The following NEK10 variants were observed in gnomAD, a reference collection of about 807,000 sequenced individuals.
NEK10 encodes the protein serine/threonine-protein kinase Nek10.
A neutral mutation model predicts 159.8 loss-of-function variants in NEK10; 122 were observed. The ratio of observed to expected loss-of-function variants is 0.76; its 90% CI spans 0.66 to 0.89. The LOEUF is 0.89. Ranked by LOEUF, NEK10 falls within the 40% of genes least tolerant of loss-of-function variation. The probability of loss-of-function intolerance (pLI) is 0.00; values close to 1 mark genes in which losing one functional copy is unlikely to be tolerated. For synonymous variants in NEK10, 466 were observed against 457.1 expected (o/e 1.02, Z -0.25); for missense variants, 1,342 against 1,323.1 (o/e 1.01, Z -0.22).
At chr3:27,260,187 G>A (rs974677262) in intron 22 of NEK10, among the ~76,000 whole-genome samples, 1 of 152,050 alleles carries the variant, frequency 6.6e-6, no homozygotes, top group African/African-American at 2.4e-5. Context: ...TGACTTCCTT[G>A]TTTCCTAATT....
chr3:27,293,333 C>T (rs1249247660), intron 16 of NEK10, among the ~76,000 whole-genome samples: 3 of 152,154 alleles, frequency 2.0e-5, no homozygotes, highest in Non-Finnish European at 4.4e-5. Context: ...ACAGCAGTCA[C>T]ATGTAATTAA....
At chr3:27,154,469 C>T (rs893938285) in intron 30 of NEK10, among the ~76,000 whole-genome samples, 7 of 152,106 alleles carry the variant, frequency 4.6e-5, no homozygotes, top group African/African-American at 9.7e-5. Context: ...CGCCCTAATA[C>T]CAAAACCAGG....
chr3:27,324,138 C>G (rs561884464), intron 5 of NEK10, among the ~76,000 whole-genome samples: 1 of 152,326 alleles, frequency 6.6e-6, no homozygotes, highest in East Asian at 1.9e-4. Flanking sequence ...CACATCCCTT[C>G]CTGACCCTGC....
intron 22 of NEK10, among the ~76,000 whole-genome samples, chr3:27,259,534 T>C (rs1401654822): frequency 5.9e-5 from 9 of 152,328 alleles, no homozygotes; most frequent in Admixed American, 3.3e-4. Context: ...GTTGTAGATA[T>C]GCGGCATTAT....
intron 32 of NEK10, among the ~76,000 whole-genome samples, chr3:27,121,868 G>C (rs1443371336): frequency 6.6e-6 from 1 of 151,964 alleles, no homozygotes; most frequent in East Asian, 1.9e-4. Flanking sequence ...GTGGGTGGTG[G>C]TCGTATGGGT....
intron 26 of NEK10, among the ~76,000 whole-genome samples, chr3:27,191,261 T>C (rs1437392094): frequency 2.0e-5 from 3 of 152,082 alleles, no homozygotes; most frequent in African/African-American, 7.2e-5. Flanking sequence ...GAAAGAGTTT[T>C]ATGATCCAAT....
intron 23 of NEK10, among the ~76,000 whole-genome samples, chr3:27,211,887 C>G (rs901626703): frequency 5.9e-5 from 9 of 152,288 alleles, no homozygotes; most frequent in African/African-American, 1.9e-4. Flanking sequence ...AATAACATTT[C>G]TCATGAATTG....
At chr3:27,333,914 T>C (rs931563264) in intron 5 of NEK10, among the ~76,000 whole-genome samples, 2 of 152,188 alleles carry the variant, frequency 1.3e-5, no homozygotes, top group African/African-American at 4.8e-5. Context: ...TCTGCTGGCC[T>C]AGGCTGCCAT....
chr3:27,233,855 A>G (rs147669187), intron 23 of NEK10, among the ~76,000 whole-genome samples: 248 of 152,278 alleles, frequency 1.6e-3, no homozygotes, highest in African/African-American at 5.7e-3. Context: ...ATGAACATCA[A>G]TGCAAAAATC....
intron 22 of NEK10, among the ~76,000 whole-genome samples, chr3:27,275,844 C>T (rs1016055548): frequency 2.0e-5 from 3 of 152,116 alleles, no homozygotes; most frequent in Non-Finnish European, 4.4e-5. Context: ...AAGATTCTGG[C>T]AATACAGGGT....
At chr3:27,159,712 A>G (rs897348134) in intron 30 of NEK10, among the ~76,000 whole-genome samples, 4 of 152,020 alleles carry the variant, frequency 2.6e-5, no homozygotes, top group African/African-American at 9.7e-5. Flanking sequence ...GAACAAGGGG[A>G]TTTTTAATAC....
At chr3:27,126,767 AAAC>A (rs945095562) in intron 32 of NEK10, among the ~76,000 whole-genome samples, 49 of 152,152 alleles carry the variant, frequency 3.2e-4, no homozygotes, top group African/African-American at 1.1e-3. Flanking sequence ...AGCAAAAAAA[AAAC>A]AACAACAAAC....
chr3:27,358,125 C>T (rs550106906), intron 1 of NEK10, among the ~76,000 whole-genome samples: 1 of 152,298 alleles, frequency 6.6e-6, no homozygotes, highest in South Asian at 2.1e-4. Context: ...AGAGAATTTG[C>T]TACACAAACA....
intron 23 of NEK10, among the ~76,000 whole-genome samples, chr3:27,212,979 CCATTTA>C (rs1951153245): frequency 6.6e-6 from 1 of 150,826 alleles, no homozygotes; most frequent in African/African-American, 2.4e-5. Context: ...AATATCCTCT[CCATTTA>C]CATTGGGCAT....
intron 23 of NEK10, among the ~76,000 whole-genome samples, chr3:27,222,615 T>C (rs1952234866): frequency 1.3e-5 from 2 of 152,288 alleles, no homozygotes; most frequent in African/African-American, 4.8e-5. Context: ...CAACATGAAT[T>C]TCTTTTATAA....
At chr3:27,115,628 T>A (rs1559471893) in intron 35 of NEK10, among the ~76,000 whole-genome samples, 1 of 152,162 alleles carries the variant, frequency 6.6e-6, no homozygotes, top group Non-Finnish European at 1.5e-5. Context: ...AAACAAATAT[T>A]TGATGTTTAA....
At chr3:27,231,967 T>A (rs1055602851) in intron 23 of NEK10, among the ~76,000 whole-genome samples, 1 of 151,810 alleles carries the variant, frequency 6.6e-6, no homozygotes, top group Non-Finnish European at 1.5e-5. Flanking sequence ...AGAGAGGGAA[T>A]CATCCCTAAT....
At chr3:27,214,990 T>C in intron 23 of NEK10, 1 of 685,762 alleles carries the variant, frequency 1.5e-6, no homozygotes, top group South Asian at 1.6e-5. Flanking sequence ...CAGGCACCGG[T>C]CCCACTTCCG....
intron 23 of NEK10, among the ~76,000 whole-genome samples, chr3:27,235,572 C>T (rs185141533): frequency 7.2e-5 from 11 of 152,220 alleles, no homozygotes; most frequent in South Asian, 2.1e-4. Flanking sequence ...TGTCATCTCA[C>T]GCCCATCACA....
Sources: allele counts gnomAD v4.1 joint callset (sites outside exome capture counted in the v4.1 genomes callset), GRCh38; gene constraint gnomAD v4.1.1; transcripts MANE v1.5; gene names NCBI Gene and HGNC (gene_info 2026-07-23, HGNC 2026-07-21).